CBR1: variants seen among roughly 807,000 people sequenced by gnomAD.
The protein encoded by CBR1 is carbonyl reductase [NADPH] 1.
A neutral mutation model predicts 10.6 loss-of-function variants in CBR1; 11 were observed. The ratio of observed to expected loss-of-function variants is 1.03; its 90% CI spans 0.65 to 1.71. The LOEUF is 1.71. Ranked by LOEUF, CBR1 falls within the 40% of genes most tolerant of loss-of-function variation. The pLI, the probability that CBR1 is intolerant of heterozygous loss-of-function variation, is 0.00. For missense variants in CBR1, 361 were observed against 368.6 expected (o/e 0.98, Z 0.17); for synonymous variants, 158 against 156.7 (o/e 1.01, Z -0.06).
chr21:36,070,228 G>T lies in CBR1; in HGVS notation c.113G>T (p.Arg38Leu). The change falls in exon 1 of 3, where the codon CGG (arginine) becomes CTG (leucine). Residue 38 changes from arginine (R) to leucine (L), a missense_variant. Physicochemically the swap from Arg to Leu is moderately radical, Grantham distance 102. Transcript: ENST00000290349. ...LFSGDVVLTA[R>L]DVTRGQAAVQ... ...TCGGGGGACGTGGTGCTCACGGCGC[G>T]GGACGTGACGCGGGGCCAGGCGGCC... 1 of 1,609,896 alleles carries T rather than the reference G, an allele frequency of 6.2e-7. No individual in the cohort carries two copies.
intron 2 of CBR1, 109 bp downstream of exon 2, chr21:36,071,166 C>G (rs754253094): frequency 1.3e-6 from 1 of 797,798 alleles, no homozygotes; most frequent in South Asian, 1.4e-5. Flanking sequence ...TGCACGTGCA[C>G]TGACCTCTGT....
Position 36,071,010 on chromosome 21 carries a change from G to A in CBR1, c.350G>A (p.Gly117Asp). ...GTGACGATGAAAACAAATTTCTTTG[G>A]TACCCGAGATGTGTGCACAGAATTA... ...AEVTMKTNFF[G>D]TRDVCTELLP... The change falls in exon 2 of 3, where the codon GGT becomes GAT. Residue 117 changes from glycine to aspartate, a missense_variant. Coordinates refer to ENST00000290349, the MANE Select transcript of CBR1 (RefSeq NM_001757.4). The A allele has an allele frequency of 1.2e-6, 2 of 1,613,618 alleles. No individual in the cohort carries two copies. Among genetic ancestry groups the A allele is most frequent in the Non-Finnish European group, 1.7e-6 (2 of 1,179,854 alleles).
rs148759829 is a variant in CBR1 at position 36,071,970 on chromosome 21, A to G, written c.398-476A>G. On this transcript the variant is annotated intron_variant, in intron 2 of 2. Transcript: ENST00000290349. Reference sequence around the variant, plus strand: ...CTTCAACGTGCTGAAGGTGCTGGACATGACTATCACATGTCTTTGGTTGTA... The same window carrying G: ...CTTCAACGTGCTGAAGGTGCTGGACGTGACTATCACATGTCTTTGGTTGTA... 1.7e-4 allele frequency: 255 copies of G among 1,535,860 alleles called. 1 individual carries two copies. In the African/African-American group the frequency reaches 3.1e-3, roughly 19 times the overall value.
chr21:36,071,869 A>T (rs2065354181), intron 2 of CBR1: 1 of 1,536,110 alleles, frequency 6.5e-7, no homozygotes, highest in East Asian at 2.4e-5. Flanking sequence ...TCAGGAGGAA[A>T]GTCCAAGCCC....
At position 36,072,912 on chromosome 21, in the gene CBR1, C is replaced by T. The variant is rs2065364695; in HGVS notation, c.*30C>T. On this transcript the variant is annotated 3_prime_UTR_variant, in exon 3 of 3. Transcript: ENST00000290349. ...GGCTCACAGCTCCATCCATGGGCCC[C>T]ATTTTGTACCTTGTCCTGAGTTGGT... 1 of 1,504,532 alleles carries T rather than the reference C, an allele frequency of 6.6e-7. No individual in the cohort carries two copies. Among genetic ancestry groups the T allele is most frequent in the South Asian group, 1.2e-5 (1 of 85,044 alleles). 93.2% of individuals were successfully genotyped at this position (1,504,532 alleles called of 1,614,324 possible). A position where few individuals can be genotyped will look rare whatever the true frequency, so the allele number is the denominator to read the frequency against.
rs2123833910 is a variant in CBR1, at chr21:36,070,058, T to C, written c.-58T>C. 4.2e-6 allele frequency: 6 copies of C among 1,436,952 alleles called. No individual in the cohort carries two copies. The South Asian group carries it at 4.5e-5, about 11-fold the overall frequency. The allele number at this position is 1,436,952 out of a possible 1,614,324, so 89.0% of individuals were successfully genotyped here. On this transcript the variant is annotated 5_prime_UTR_variant, in exon 1 of 3. Coordinates refer to ENST00000290349, the MANE Select transcript of CBR1 (RefSeq NM_001757.4). ...CAGTCTCTGGAACACGCTGCGGGGC[T>C]CCCGGGCCTGAGCCAGGTCTGTTCT...
chr21:36,070,853 G>GTTTTTGT (rs1568956922), intron 1 of CBR1, 97 bp from the exon 2 acceptor site: 36 of 509,360 alleles, frequency 7.1e-5, no homozygotes, highest in South Asian at 2.7e-4. Flanking sequence ...AGGGCACTAA[G>GTTTTTGT]TTTTTTTTTT....
At chr21:36,071,762 A>G in intron 2 of CBR1, 1 of 1,312,594 alleles carries the variant, frequency 7.6e-7, no homozygotes, top group Non-Finnish European at 1.1e-6. Context: ...GACAATTGCA[A>G]ACCCTCACAA....
chr21:36,070,969 T>C lies in CBR1; in HGVS notation c.309T>C (p.Phe103=). 1 of 1,613,450 alleles carries C rather than the reference T, an allele frequency of 6.2e-7. No homozygotes were observed. Among genetic ancestry groups the C allele is most frequent in the Admixed American group, 1.7e-5 (1 of 59,992 alleles). The part of the protein sequence containing the change: ...IAFKVADPTP[F]HIQAEVTMKT... ...TAAAAGTTGCTGATCCCACACCCTTTCATATTCAAGCTGAAGTGACGATGA... is the reference window on the plus strand; with the variant it reads ...TAAAAGTTGCTGATCCCACACCCTTCCATATTCAAGCTGAAGTGACGATGA... The change falls in exon 2 of 3, where the codon TTT becomes TTC. Residue 103 remains phenylalanine, a synonymous_variant. Coordinates refer to ENST00000290349, the MANE Select transcript of CBR1 (RefSeq NM_001757.4).
intron 2 of CBR1, 165 bp from the exon 3 acceptor site, chr21:36,072,281 A>T: frequency 6.4e-7 from 1 of 1,552,280 alleles, no homozygotes; most frequent in Admixed American, 2.0e-5. Flanking sequence ...GAACTTCTTC[A>T]TGCAACTACC....
rs770198762 is a variant in CBR1, at chr21:36,072,460, G to C, written c.412G>C (p.Val138Leu). The change falls in exon 3 of 3, where the codon GTA (valine) becomes CTA (leucine). Residue 138 changes from valine (V) to leucine (L), a missense_variant. By Grantham distance (32) the Val-to-Leu change is conservative (BLOSUM62 1). Coordinates refer to ENST00000290349, the MANE Select transcript of CBR1 (RefSeq NM_001757.4). The stretch of plus-strand genomic sequence containing the variant: ...GTGTATCTTAGGGAGAGTGGTGAAC[G>C]TATCTAGCATCATGAGCGTCAGAGC... ...LIKPQGRVVN[V>L]SSIMSVRALK... 4 of 1,614,102 alleles carry C rather than the reference G, an allele frequency of 2.5e-6. No individual in the cohort carries two copies. Among genetic ancestry groups the C allele is most frequent in the Non-Finnish European group, 2.5e-6 (3 of 1,180,002 alleles).
At chr21:36,071,569 G>C in intron 2 of CBR1, 1 of 565,220 alleles carries the variant, frequency 1.8e-6, no homozygotes, top group South Asian at 2.2e-5. Flanking sequence ...ATTTCCAGAG[G>C]ATCCCTATCC....
At position 36,070,870 on chromosome 21, in the gene CBR1, T is replaced by G. The variant is rs540946186; in HGVS notation, c.290-80T>G. The G allele has an allele frequency of 2.6e-4, 221 of 852,604 alleles. 5 individuals are homozygous for G. Among genetic ancestry groups the G allele is most frequent in the South Asian group, 2.5e-3 (136 of 55,038 alleles). 52.8% of individuals were successfully genotyped at this position (852,604 alleles called of 1,614,324 possible). A position where few individuals can be genotyped will look rare whatever the true frequency, so the allele number is the denominator to read the frequency against. On this transcript the variant is annotated intron_variant, in intron 1 of 2. Transcript: ENST00000290349. ...GGCACTAAGTTTTTTTTTTTTTTTT[T>G]TTTTTTTTTTAGTATCATTGTATAG...
chr21:36,072,483 A>C lies in CBR1; in HGVS notation c.435A>C (p.Arg145Ser), dbSNP rs752649052. 6.2e-7 allele frequency: 1 copy of C among 1,613,610 alleles called. No homozygotes were observed. Among genetic ancestry groups the C allele is most frequent in the Non-Finnish European group, 8.5e-7 (1 of 1,179,830 alleles). ...VVNVSSIMSVRALKSCSPELQ... is the reference protein window; with the variant it reads ...VVNVSSIMSVSALKSCSPELQ... ...ACGTATCTAGCATCATGAGCGTCAG[A>C]GCCCTTAAAAGCTGCAGCCCAGAGC... The change falls in exon 3 of 3, where the codon AGA becomes AGC. Residue 145 changes from arginine to serine, a missense_variant. Arg to Ser is a moderately radical substitution (Grantham distance 110). Coordinates refer to ENST00000290349, the MANE Select transcript of CBR1 (RefSeq NM_001757.4).
At chr21:36,070,858 T>TC in intron 1 of CBR1, 92 bp from the exon 2 acceptor site, 1 of 590,222 alleles carries the variant, frequency 1.7e-6, no homozygotes, top group Non-Finnish European at 2.9e-6. Flanking sequence ...ACTAAGTTTT[T>TC]TTTTTTTTTT....
Position 36,070,412 on chromosome 21 carries a change from G to T in CBR1, c.289+8G>T. 6.3e-7 allele frequency: 1 copy of T among 1,583,764 alleles called. No individual in the cohort carries two copies. The highest frequency in any genetic ancestry group is 1.1e-5 in the South Asian group (1 of 87,420). ...CGGGCATCGCCTTCAAGGGTATGGG[G>T]AGGGGACGTGGCCTCCCCGAAGAAG... On this transcript the variant is annotated splice_region_variant and intron_variant, in intron 1 of 2. Transcript: ENST00000290349.
Position 36,070,083 on chromosome 21 carries a change from T to C in CBR1, c.-33T>C, listed in dbSNP as rs766693597. On this transcript the variant is annotated 5_prime_UTR_variant, in exon 1 of 3. Transcript: ENST00000290349. The stretch of plus-strand genomic sequence containing the variant: ...TCCCGGGCCTGAGCCAGGTCTGTTC[T>C]CCACGCAGGTGTTCCGCGCGCCCCG... 4.1e-6 allele frequency: 6 copies of C among 1,469,120 alleles called. No homozygotes were observed. Among genetic ancestry groups the C allele is most frequent in the Admixed American group, 2.6e-5 (1 of 38,710 alleles). 91.0% of individuals were successfully genotyped at this position (1,469,120 alleles called of 1,614,324 possible).
chr21:36,072,739 G>A lies in CBR1; in HGVS notation c.691G>A (p.Val231Met), dbSNP rs964388540. ...ILLNACCPGW[V>M]RTDMAGPKAT... ...CCTGAATGCCTGCTGCCCAGGGTGG[G>A]TGAGAACTGACATGGCGGGACCCAA... is the stretch of plus-strand genomic sequence containing the variant. Residue 231 changes from valine (V) to methionine (M), a missense_variant, in exon 3 of 3, where the codon GTG (valine) becomes ATG (methionine). Physicochemically the swap from Val to Met is conservative, Grantham distance 21. Transcript: ENST00000290349. 8 of 1,614,186 alleles carry A rather than the reference G, an allele frequency of 5.0e-6. No individual in the cohort carries two copies. The highest frequency in any genetic ancestry group is 6.8e-6 in the Non-Finnish European group (8 of 1,180,038).
At chr21:36,070,863 T>TTG (rs1322695492) in intron 1 of CBR1, 87 bp from the exon 2 acceptor site, 9,049 of 688,050 alleles carry the variant, frequency 0.013, 204 homozygotes, top group Middle Eastern at 0.03. Context: ...GTTTTTTTTT[T>TTG]TTTTTTTTTT....
Sources: allele counts gnomAD v4.1 joint callset, GRCh38; gene constraint gnomAD v4.1.1; transcripts MANE v1.5; gene names NCBI Gene and HGNC (gene_info 2026-07-23, HGNC 2026-07-21).